EPHA5: variants seen among roughly 807,000 people sequenced by gnomAD.
EPHA5 encodes EPH receptor A5.
In EPHA5, 60 loss-of-function variants were observed where a neutral mutation model predicts 105.0. The observed-to-expected ratio is 0.57, with a 90% CI of 0.46 to 0.71. The LOEUF is 0.71. EPHA5 is among the 30% of genes least tolerant of loss of function. The pLI, the probability that EPHA5 is intolerant of heterozygous loss-of-function variation, is 0.00. For missense variants in EPHA5, 1,218 were observed against 1,274.7 expected (o/e 0.96, Z 0.68); for synonymous variants, 513 against 449.1 (o/e 1.14, Z -1.80).
chr4:65,620,243 G>GAAGAAGCT (rs1357658586), intron 2 of EPHA5, among the ~76,000 whole-genome samples: 1 of 151,692 alleles, frequency 6.6e-6, no homozygotes, highest in Non-Finnish European at 1.5e-5. Context: ...ACAATCCAAA[G>GAAGAAGCT]AAGAAGCTAT....
chr4:65,517,937 A>C (rs1436914549), intron 3 of EPHA5, among the ~76,000 whole-genome samples: 1 of 151,946 alleles, frequency 6.6e-6, no homozygotes, highest in Non-Finnish European at 1.5e-5. Flanking sequence ...TTACATTAAA[A>C]TGTTTAACAC....
intron 3 of EPHA5, among the ~76,000 whole-genome samples, chr4:65,590,896 G>C (rs1208508370): frequency 6.6e-6 from 1 of 152,108 alleles, no homozygotes; most frequent in East Asian, 1.9e-4. Flanking sequence ...ATAGATCATA[G>C]TAATTAAGTG....
intron 5 of EPHA5, among the ~76,000 whole-genome samples, chr4:65,427,967 T>C (rs747214191): frequency 1.3e-5 from 2 of 152,128 alleles, no homozygotes; most frequent in Non-Finnish European, 2.9e-5. Flanking sequence ...TATTTTTAAA[T>C]GAAATGCAGA....
Position 65,395,098 on chromosome 4 carries a change from A to G in EPHA5, c.1793+9276T>C, listed in dbSNP as rs559211637. Among the ~76,000 whole-genome samples the G allele has an allele frequency of 5.3e-5, 8 of 152,316 alleles. No individual in the cohort carries two copies. The East Asian group carries it at 1.4e-3, about 26-fold the overall frequency. ...CTTTCTAAGTTCAAAGGATTTTACT[A>G]TCAAGTCATTGCTTTGACTAACATA... is the stretch of plus-strand genomic sequence containing the variant. On this transcript the variant is annotated intron_variant, in intron 8 of 16. Transcript: ENST00000613740.
chr4:65,351,432 G>A lies in EPHA5; in HGVS notation c.2402C>T (p.Ser801Phe), dbSNP rs771424766. The change falls in exon 13 of 17, where the codon TCC (serine) becomes TTC (phenylalanine). Residue 801 changes from serine to phenylalanine, a missense_variant. By Grantham distance (155) the Ser-to-Phe change is radical (BLOSUM62 -2). Coordinates refer to ENST00000613740, the MANE Select transcript of EPHA5 (RefSeq NM_001281766.3). ...CTCGGGATCATCTTCCAGTACCCGGGAAAGTCCAAAGTCAGACACTTTGCA... is the reference window on the plus strand; with the variant it reads ...CTCGGGATCATCTTCCAGTACCCGGAAAAGTCCAAAGTCAGACACTTTGCA... Reference protein sequence around the residue: ...LVCKVSDFGLSRVLEDDPEAA... With the variant: ...LVCKVSDFGLFRVLEDDPEAA... 1.2e-6 allele frequency: 2 copies of A among 1,613,724 alleles called. No homozygotes were observed. Among genetic ancestry groups the A allele is most frequent in the Non-Finnish European group, 1.7e-6 (2 of 1,179,786 alleles).
intron 8 of EPHA5, among the ~76,000 whole-genome samples, chr4:65,385,460 CATATT>C (rs1257571885): frequency 4.6e-5 from 7 of 151,936 alleles, no homozygotes; most frequent in Non-Finnish European, 5.9e-5. Context: ...TTGTGATAAA[CATATT>C]ATGATAATTG....
intron 3 of EPHA5, among the ~76,000 whole-genome samples, chr4:65,530,414 T>TTG (rs34792636): frequency 6.6e-5 from 10 of 151,226 alleles, no homozygotes; most frequent in African/African-American, 2.2e-4. Flanking sequence ...AGGTGTACAT[T>TTG]TGTGTGTGTG....
At chr4:65,665,748 GA>G (rs1354393518) in intron 1 of EPHA5, among the ~76,000 whole-genome samples, 3 of 152,054 alleles carry the variant, frequency 2.0e-5, no homozygotes, top group Non-Finnish European at 4.4e-5. Flanking sequence ...TAACACCCAA[GA>G]AGATCTTTGT....
intron 3 of EPHA5, among the ~76,000 whole-genome samples, chr4:65,505,638 T>C (rs1168053702): frequency 6.6e-6 from 1 of 152,104 alleles, no homozygotes; most frequent in Admixed American, 6.6e-5. Flanking sequence ...CGTTAAGTTT[T>C]TAGAGCACCT....
At chr4:65,393,662 T>C (rs10517935) in intron 8 of EPHA5, among the ~76,000 whole-genome samples, 10,019 of 152,302 alleles carry the variant, frequency 0.066, 691 homozygotes, top group African/African-American at 0.17. Context: ...ACAGACATTA[T>C]TTTAAACACC....
intron 5 of EPHA5, among the ~76,000 whole-genome samples, chr4:65,447,941 A>T (rs929114383): frequency 9.2e-5 from 14 of 152,170 alleles, no homozygotes; most frequent in African/African-American, 3.4e-4. Context: ...AAGAACAAGA[A>T]CATAAGATTT....
chr4:65,610,544 A>ATTAATTAATTAATT (rs1435094549), intron 2 of EPHA5, among the ~76,000 whole-genome samples: 3 of 152,112 alleles, frequency 2.0e-5, no homozygotes, highest in African/African-American at 7.2e-5. Flanking sequence ...AAACAAATTA[A>ATTAATTAATTAATT]TTAATTAATT....
intron 3 of EPHA5, among the ~76,000 whole-genome samples, chr4:65,574,645 T>A (rs1740637893): frequency 8.0e-6 from 1 of 124,798 alleles, no homozygotes; most frequent in African/African-American, 2.8e-5. Context: ...TATATACACA[T>A]ATATATACAC....
At chr4:65,367,205 C>G (rs1717991350) in intron 9 of EPHA5, 152 bp downstream of exon 9, 3 of 615,698 alleles carry the variant, frequency 4.9e-6, no homozygotes. Flanking sequence ...AGCCCGTATT[C>G]TTTACAGGAA....
At chr4:65,338,453 AT>A (rs746588197) in intron 14 of EPHA5, among the ~76,000 whole-genome samples, 4 of 151,796 alleles carry the variant, frequency 2.6e-5, no homozygotes, top group African/African-American at 9.7e-5. Flanking sequence ...AATTAATTCG[AT>A]TTTTTTCTTT....
Position 65,324,130 on chromosome 4 carries a change from C to T in EPHA5, c.3035G>A (p.Gly1012Glu), listed in dbSNP as rs2148776271. The T allele has an allele frequency of 6.2e-7, 1 of 1,608,224 alleles. No individual in the cohort carries two copies. Among genetic ancestry groups the T allele is most frequent in the African/African-American group, 1.3e-5 (1 of 74,558 alleles). Reference sequence around the variant, plus strand: ...TACATGAAGTTACAATGGCACCATTCCGTTTACCAGCTGCACCTTCATTTC... The same window carrying T: ...TACATGAAGTTACAATGGCACCATTTCGTTTACCAGCTGCACCTTCATTTC... Reference protein sequence around the residue: ...LQEMKVQLVNGMVPL With the variant: ...LQEMKVQLVNEMVPL The change falls in exon 17 of 17, where the codon GGA becomes GAA. Residue 1012 changes from glycine to glutamate, a missense_variant. Gly to Glu is a moderately conservative substitution (Grantham distance 98, BLOSUM62 -2). Around this residue, in one of 3 missense-constraint regions of EPHA5, gnomAD observed 971 missense variants for 1,013.5 expected, o/e 0.96. Coordinates refer to ENST00000613740, the MANE Select transcript of EPHA5 (RefSeq NM_001281766.3).
intron 8 of EPHA5, among the ~76,000 whole-genome samples, chr4:65,395,093 T>C (rs1721084779): frequency 6.6e-6 from 1 of 152,166 alleles, no homozygotes; most frequent in Non-Finnish European, 1.5e-5. Context: ...TCAAAGGATT[T>C]TACTATCAAG....
intron 3 of EPHA5, among the ~76,000 whole-genome samples, chr4:65,510,078 A>C (rs1209877076): frequency 7.3e-6 from 1 of 137,842 alleles, no homozygotes; most frequent in African/African-American, 2.8e-5. Flanking sequence ...CTTGTTGCCC[A>C]GGTTGGAGTG....
At chr4:65,657,137 T>A (rs1275489473) in intron 1 of EPHA5, among the ~76,000 whole-genome samples, 10 of 152,156 alleles carry the variant, frequency 6.6e-5, no homozygotes, top group Non-Finnish European at 1.5e-5. Context: ...ATATTAAGAA[T>A]TCTTGCCAGC....
Sources: allele counts gnomAD v4.1 joint callset (sites outside exome capture counted in the v4.1 genomes callset), GRCh38; gene constraint gnomAD v4.1.1; regional missense constraint gnomAD v4.1.1; transcripts MANE v1.5; gene names NCBI Gene and HGNC (gene_info 2026-07-23, HGNC 2026-07-21).